TBL1X: variants seen among roughly 807,000 people sequenced by gnomAD.
TBL1X encodes the protein transducin beta like 1 X-linked.
TBL1X carries 10 observed loss-of-function variants against 50.7 expected under a neutral mutation model. That is an observed-to-expected ratio of 0.20 (90% CI 0.12 to 0.33). The LOEUF (loss-of-function observed/expected upper bound fraction) is 0.33, where lower values mean the gene tolerates loss of function less well. TBL1X is among the 10% of genes least tolerant of loss of function. TBL1X has a pLI of 1.00. For missense variants in TBL1X, 340 were observed against 504.4 expected (o/e 0.67, Z 3.12); for synonymous variants, 190 against 214.7 (o/e 0.88, Z 1.01).
At chrX:9,688,889 G>A (rs1194477825) in intron 7 of TBL1X, among the ~76,000 whole-genome samples, 2 of 113,676 alleles carry the variant, frequency 1.8e-5, no homozygotes, top group African/African-American at 3.2e-5. Flanking sequence ...ATGGCGCACC[G>A]TGTGCGCGCA....
intron 3 of TBL1X, among the ~76,000 whole-genome samples, chrX:9,653,312 C>T (rs942016315): frequency 1.8e-5 from 2 of 112,541 alleles, no homozygotes; most frequent in African/African-American, 6.5e-5. Flanking sequence ...TTGCTTGTTC[C>T]CTTTGGGCTG....
chrX:9,496,945 C>T (rs760354793), intron 1 of TBL1X, among the ~76,000 whole-genome samples: 2 of 112,087 alleles, frequency 1.8e-5, no homozygotes, highest in African/African-American at 3.2e-5. Flanking sequence ...GCTGAAAACT[C>T]AAGTCCTGTA....
At chrX:9,554,814 A>T (rs1426240093) in intron 2 of TBL1X, among the ~76,000 whole-genome samples, 1 of 111,875 alleles carries the variant, frequency 8.9e-6, no homozygotes, top group African/African-American at 3.3e-5. Flanking sequence ...ATTTTAGTAA[A>T]TTTACAGAGT....
Position 9,630,733 on chromosome X carries a change from G to A in TBL1X, c.-130-9540G>A, listed in dbSNP as rs191953130. 1.8e-4 allele frequency among the ~76,000 whole-genome samples: 20 copies of A among 110,863 alleles called. No homozygotes were observed. In the East Asian group the frequency reaches 4.5e-3, roughly 25 times the overall value. On this transcript the variant is annotated intron_variant, in intron 2 of 17. Transcript: ENST00000645353. ...TGGGACTACAGGCGTGAGCTACCAC[G>A]CCCAGCTAATTTTTGTATTTTTTGT...
intron 2 of TBL1X, among the ~76,000 whole-genome samples, chrX:9,616,430 T>C (rs5933747): frequency 0.16 from 18,255 of 111,242 alleles, 1,290 homozygotes; most frequent in African/African-American, 0.26. Context: ...TTTAGTGTAC[T>C]TTTGCCAATT....
intron 2 of TBL1X, among the ~76,000 whole-genome samples, chrX:9,565,427 T>C (rs2147003443): frequency 9.0e-6 from 1 of 110,965 alleles, no homozygotes; most frequent in African/African-American, 3.3e-5. Flanking sequence ...GTAAGATTGG[T>C]GGTGGGAATG....
intron 1 of TBL1X, among the ~76,000 whole-genome samples, chrX:9,474,973 A>G (rs1395318520): frequency 8.9e-6 from 1 of 112,000 alleles, no homozygotes; most frequent in Non-Finnish European, 1.9e-5. Context: ...TCCTGGGTTC[A>G]AGCAATTCTC....
chrX:9,490,702 C>T (rs1440629455), intron 1 of TBL1X, among the ~76,000 whole-genome samples: 3 of 111,764 alleles, frequency 2.7e-5, no homozygotes, highest in South Asian at 3.7e-4. Context: ...TGTGGAGAGG[C>T]GAATTCAAAC....
At chrX:9,623,145 T>C (rs191085207) in intron 2 of TBL1X, among the ~76,000 whole-genome samples, 1 of 112,100 alleles carries the variant, frequency 8.9e-6, no homozygotes, top group East Asian at 2.8e-4. Flanking sequence ...GTTAACCCAC[T>C]GTATCCTGCA....
chrX:9,543,463 T>C (rs1848428290), intron 2 of TBL1X, among the ~76,000 whole-genome samples: 2 of 109,957 alleles, frequency 1.8e-5, no homozygotes, highest in South Asian at 4.0e-4. Flanking sequence ...CGCCCCTCCT[T>C]CTCCCTCCTC....
intron 2 of TBL1X, among the ~76,000 whole-genome samples, chrX:9,579,401 T>C (rs2082428530): frequency 8.9e-6 from 1 of 112,231 alleles, no homozygotes; most frequent in Non-Finnish European, 1.9e-5. Flanking sequence ...TGGAGACTTG[T>C]CTTCCCATTT....
intron 17 of TBL1X, among the ~76,000 whole-genome samples, chrX:9,715,947 G>C (rs1217249631): frequency 8.9e-6 from 1 of 112,182 alleles, no homozygotes; most frequent in African/African-American, 3.2e-5. Context: ...TGTCCCTTCT[G>C]GGACCTCTGC....
Position 9,684,141 on chromosome X carries a change from C to G in TBL1X, c.310C>G (p.Leu104Val). 8.3e-7 allele frequency: 1 copy of G among 1,212,095 alleles called. No homozygotes were observed. Among genetic ancestry groups the G allele is most frequent in the Non-Finnish European group, 1.1e-6 (1 of 895,611 alleles). The change falls in exon 6 of 18, where the codon CTC (leucine) becomes GTC (valine). Residue 104 changes from leucine to valine, a missense_variant. By Grantham distance (32) the Leu-to-Val change is conservative. Coordinates refer to ENST00000645353, the MANE Select transcript of TBL1X (RefSeq NM_005647.4). ...LVPPAALISI[L>V]QKGLQYVEAE... is the part of the protein sequence containing the mutation. ...GCCACCGGCCGCCCTCATCTCCATT[C>G]TCCAGAAGGGCCTGCAGTATGTAGA...
chrX:9,654,182 A>G, intron 4 of TBL1X, 33 bp from the exon 5 acceptor site: 1 of 1,148,242 alleles, frequency 8.7e-7, no homozygotes, highest in Non-Finnish European at 1.2e-6. Context: ...AAATACAAGC[A>G]GTGTTTCAAA....
intron 16 of TBL1X, among the ~76,000 whole-genome samples, chrX:9,713,261 C>T (rs1003850050): frequency 9.0e-6 from 1 of 111,139 alleles, no homozygotes; most frequent in African/African-American, 3.3e-5. Flanking sequence ...GTCCAAGAGT[C>T]TCCGTTCCTG....
intron 5 of TBL1X, among the ~76,000 whole-genome samples, chrX:9,660,902 G>A (rs1346225518): frequency 8.9e-6 from 1 of 112,492 alleles, no homozygotes; most frequent in African/African-American, 3.2e-5. Context: ...CCAAGGGGAT[G>A]GTATTTGGGG....
At chrX:9,687,899 C>T in intron 6 of TBL1X, 118 bp from the exon 7 acceptor site, 20 of 1,096,074 alleles carry the variant, frequency 1.8e-5, no homozygotes, top group Non-Finnish European at 2.3e-5. Context: ...CCCCTGGTTG[C>T]TGGGAGCCAG....
chrX:9,694,044 T>C (rs2083115296), intron 11 of TBL1X, among the ~76,000 whole-genome samples: 1 of 110,764 alleles, frequency 9.0e-6, no homozygotes, highest in South Asian at 3.8e-4. Context: ...GGACGCAGAC[T>C]CCATCCTGGG....
At chrX:9,471,085 A>G (rs778432123) in intron 1 of TBL1X, among the ~76,000 whole-genome samples, 1 of 112,817 alleles carries the variant, frequency 8.9e-6, no homozygotes, top group South Asian at 3.6e-4. Flanking sequence ...CGTTTTCCCA[A>G]TGGGTTAATC....
Sources: allele counts gnomAD v4.1 joint callset (sites outside exome capture counted in the v4.1 genomes callset), GRCh38; gene constraint gnomAD v4.1.1; transcripts MANE v1.5; gene names NCBI Gene and HGNC (gene_info 2026-07-23, HGNC 2026-07-21).